VCF2: variants seen among roughly 807,000 people sequenced by gnomAD.
VCF2 encodes the protein protein VCF2.
the VCF2 span, among the ~76,000 whole-genome samples, chrX:55,150,479 C>G: frequency 1.8e-5 from 2 of 111,715 alleles, no homozygotes; most frequent in African/African-American, 6.5e-5. Context: ...GGCAGTATTT[C>G]TCGCTTGCCC....
the VCF2 span, chrX:55,159,371 A>G: frequency 2.5e-6 from 1 of 401,868 alleles, no homozygotes; most frequent in Non-Finnish European, 4.1e-6. Flanking sequence ...TATAAAAGTC[A>G]TATAAGTACT....
At chrX:55,159,328 T>C in the VCF2 span, 2 of 610,609 alleles carry the variant, frequency 3.3e-6, no homozygotes, top group Non-Finnish European at 4.9e-6. Context: ...TGAGAACTTG[T>C]CTGAAAAAAT....
chrX:55,147,303 A>C, the VCF2 span, among the ~76,000 whole-genome samples: 1 of 110,742 alleles, frequency 9.0e-6, no homozygotes, highest in Non-Finnish European at 1.9e-5. Context: ...ACACAGTAAC[A>C]CTGTCCACAG....
chrX:55,157,081 G>A, the VCF2 span, among the ~76,000 whole-genome samples: 3 of 112,010 alleles, frequency 2.7e-5, no homozygotes, highest in African/African-American at 9.7e-5. Context: ...TTTGCCATAG[G>A]GTTTAAAACC....
At chrX:55,159,475 T>A in the VCF2 span, among the ~76,000 whole-genome samples, 28 of 112,475 alleles carry the variant, frequency 2.5e-4, no homozygotes, top group Non-Finnish European at 4.3e-4. Flanking sequence ...TTTCATAACC[T>A]TAAATGATCC....
At chrX:55,160,776 A>G in the VCF2 span, 23 of 1,109,132 alleles carry the variant, frequency 2.1e-5, no homozygotes, top group Non-Finnish European at 2.5e-5. Context: ...CCAATTTGAA[A>G]AACAGAATGC....
the VCF2 span, among the ~76,000 whole-genome samples, chrX:55,155,882 T>C: frequency 9.1e-6 from 1 of 110,054 alleles, no homozygotes; most frequent in Admixed American, 9.7e-5. Flanking sequence ...GATATAAAAT[T>C]ATATAACACT....
chrX:55,155,097 A>G, the VCF2 span, among the ~76,000 whole-genome samples: 1 of 112,000 alleles, frequency 8.9e-6, no homozygotes, highest in East Asian at 2.8e-4. Flanking sequence ...GAGCAATAAG[A>G]GCACAAGCAA....
the VCF2 span, among the ~76,000 whole-genome samples, chrX:55,149,526 C>T: frequency 9.0e-6 from 1 of 111,064 alleles, no homozygotes; most frequent in African/African-American, 3.3e-5. Flanking sequence ...TATTAAATTC[C>T]TCAAGGCCCA....
At chrX:55,159,077 A>G in the VCF2 span, 1 of 952,281 alleles carries the variant, frequency 1.1e-6, no homozygotes, top group Non-Finnish European at 1.4e-6. Flanking sequence ...CAAATTGGAT[A>G]ATTTAGTGTA....
At chrX:55,157,282 C>T in the VCF2 span, among the ~76,000 whole-genome samples, 1 of 112,464 alleles carries the variant, frequency 8.9e-6, no homozygotes, top group Non-Finnish European at 1.9e-5. Context: ...CCTGTAATCC[C>T]AGCACTTTGG....
At chrX:55,145,185 C>A in the VCF2 span, 1 of 406,894 alleles carries the variant, frequency 2.5e-6, no homozygotes, top group South Asian at 1.2e-4. Flanking sequence ...GTCCAACCCA[C>A]TTCCATAATT....
chrX:55,143,173 C>T, the VCF2 span: 1 of 110,963 alleles, frequency 9.0e-6, no homozygotes, highest in African/African-American at 3.3e-5. Context: ...GAAGGGGTCC[C>T]GAGCGGGGTA....
chrX:55,152,052 C>G, the VCF2 span, among the ~76,000 whole-genome samples: 1 of 106,369 alleles, frequency 9.4e-6, no homozygotes, highest in Non-Finnish European at 1.9e-5. Context: ...CCACTACGCC[C>G]GGCTAATTTT....
the VCF2 span, chrX:55,159,264 AAAC>A: frequency 9.3e-7 from 1 of 1,073,442 alleles, no homozygotes; most frequent in Non-Finnish European, 1.3e-6. Flanking sequence ...TTGTTACATG[AAAC>A]AACTGATCTT....
the VCF2 span, among the ~76,000 whole-genome samples, chrX:55,158,262 G>C: frequency 9.0e-6 from 1 of 111,603 alleles, no homozygotes; most frequent in East Asian, 2.8e-4. Flanking sequence ...ACTTTATGAG[G>C]TTCCTTTAAC....
the VCF2 span, among the ~76,000 whole-genome samples, chrX:55,159,501 A>G: frequency 8.9e-6 from 1 of 112,459 alleles, no homozygotes; most frequent in Middle Eastern, 4.6e-3. Flanking sequence ...AATAAAGAAT[A>G]TGAGGAATTT....
chrX:55,147,634 GTTTTTTT>G, the VCF2 span, among the ~76,000 whole-genome samples: 4 of 54,091 alleles, frequency 7.4e-5, no homozygotes, highest in African/African-American at 3.2e-4. Context: ...GGCTTTCCTT[GTTTTTTT>G]TTTTTTTTTT....
the VCF2 span, chrX:55,145,340 G>A: frequency 4.0e-6 from 3 of 749,560 alleles, no homozygotes; most frequent in Non-Finnish European, 4.7e-6. Context: ...TTATCTGACA[G>A]AATTGTGCAG....
Sources: allele counts gnomAD v4.1 joint callset (sites outside exome capture counted in the v4.1 genomes callset), GRCh38; gene constraint gnomAD v4.1.1; transcripts MANE v1.5; gene names NCBI Gene and HGNC (gene_info 2026-07-23, HGNC 2026-07-21).